DOK6: variants seen among roughly 807,000 people sequenced by gnomAD.
DOK6 encodes docking protein 6.
DOK6 carries 22 observed loss-of-function variants against 44.0 expected under a neutral mutation model. That is an observed-to-expected ratio of 0.50 (90% confidence interval 0.36 to 0.71). The LOEUF is 0.71. DOK6 is among the 30% of genes least tolerant of loss of function. The pLI, the probability that DOK6 is intolerant of heterozygous loss-of-function variation, is 0.00. For synonymous variants in DOK6, 166 were observed against 145.5 expected, an observed-to-expected ratio of 1.14 and a Z score of -1.01; for missense variants, 340 against 416.4, an observed-to-expected ratio of 0.82 and a Z score of 1.60.
chr18:69,661,443 G>A (rs771667006), intron 3 of DOK6: 6 of 152,108 alleles, frequency 3.9e-5, no homozygotes, highest in African/African-American at 1.2e-4. Flanking sequence ...TCAGTTTATA[G>A]CATATGCATA....
intron 2 of DOK6, among the ~76,000 whole-genome samples, chr18:69,598,640 GA>G (rs1157375375): frequency 2.0e-5 from 3 of 152,110 alleles, no homozygotes; most frequent in Non-Finnish European, 4.4e-5. Flanking sequence ...TGTGTTTGCA[GA>G]GTTGTTGAGG....
intron 3 of DOK6, among the ~76,000 whole-genome samples, chr18:69,651,351 G>A (rs922112196): frequency 1.3e-5 from 2 of 151,966 alleles, no homozygotes; most frequent in African/African-American, 4.8e-5. Flanking sequence ...TCCAATTTAT[G>A]CACTTTTTTC....
At chr18:69,818,429 G>C (rs907290598) in intron 7 of DOK6, among the ~76,000 whole-genome samples, 2 of 152,116 alleles carry the variant, frequency 1.3e-5, no homozygotes, top group Non-Finnish European at 2.9e-5. Flanking sequence ...GTGATTGTGG[G>C]GTAACACTAG....
At chr18:69,709,616 ATAT>A (rs1386905225) in intron 5 of DOK6, among the ~76,000 whole-genome samples, 1 of 152,146 alleles carries the variant, frequency 6.6e-6, no homozygotes. Context: ...TACACATATC[ATAT>A]TATATGTACT....
At chr18:69,768,093 A>G (rs1208499854) in intron 7 of DOK6, among the ~76,000 whole-genome samples, 1 of 152,200 alleles carries the variant, frequency 6.6e-6, no homozygotes, top group Non-Finnish European at 1.5e-5. Context: ...AAGAAGTAAC[A>G]TACTGAGTTC....
chr18:69,641,896 C>A (rs1984951285), intron 3 of DOK6, among the ~76,000 whole-genome samples: 1 of 152,158 alleles, frequency 6.6e-6, no homozygotes, highest in Non-Finnish European at 1.5e-5. Flanking sequence ...GTTCTTTCCC[C>A]CTCTCTCTCC....
chr18:69,437,348 G>T (rs760579116), intron 1 of DOK6, among the ~76,000 whole-genome samples: 27 of 152,284 alleles, frequency 1.8e-4, no homozygotes, highest in Admixed American at 2.6e-4. Context: ...ATGTAAGAAA[G>T]GGGTCCAGTT....
At chr18:69,594,839 GAAAAGAA>G (rs982134137) in intron 2 of DOK6, among the ~76,000 whole-genome samples, 17 of 151,240 alleles carry the variant, frequency 1.1e-4, no homozygotes, top group South Asian at 4.2e-4. Flanking sequence ...GAAAAAAAAA[GAAAAGAA>G]AAAAGAAAAA....
At chr18:69,401,721 C>T (rs1191635476) in intron 1 of DOK6, among the ~76,000 whole-genome samples, 1 of 152,182 alleles carries the variant, frequency 6.6e-6, no homozygotes, top group Non-Finnish European at 1.5e-5. Flanking sequence ...TTAGAATCAC[C>T]ATTTTCTGGT....
At position 69,846,900 on chromosome 18, in the gene DOK6, A is replaced by T. The variant is rs1442894541; in HGVS notation, c.*5517A>T. ...TTTACATTATAATACCTTATATATT[A>T]GGTTTTTCCTGATAATCTTCAGTAG... is the stretch of plus-strand genomic sequence containing the variant. On this transcript the variant is annotated 3_prime_UTR_variant, in exon 8 of 8. Transcript: ENST00000382713. The T allele has an allele frequency of 6.6e-6, 1 of 152,192 alleles. No homozygotes were observed. The highest frequency in any genetic ancestry group is 1.5e-5 in the Non-Finnish European group (1 of 68,042). 9.4% of individuals were successfully genotyped at this position (152,192 alleles called of 1,614,324 possible).
chr18:69,645,251 T>A (rs886207330), intron 3 of DOK6, among the ~76,000 whole-genome samples: 6 of 152,204 alleles, frequency 3.9e-5, no homozygotes, highest in African/African-American at 1.4e-4. Flanking sequence ...TGCTACCCTG[T>A]GAGAGGTGCA....
intron 2 of DOK6, among the ~76,000 whole-genome samples, chr18:69,592,433 A>G (rs912017318): frequency 2.0e-5 from 3 of 152,038 alleles, no homozygotes; most frequent in Non-Finnish European, 2.9e-5. Context: ...CAAAAACAAG[A>G]TCATGTGTTT....
intron 3 of DOK6, among the ~76,000 whole-genome samples, chr18:69,646,490 A>G (rs1985077342): frequency 6.6e-6 from 1 of 152,150 alleles, no homozygotes; most frequent in Non-Finnish European, 1.5e-5. Flanking sequence ...ATTGATTTTT[A>G]TTCATTTTTA....
intron 7 of DOK6, among the ~76,000 whole-genome samples, chr18:69,807,578 C>A (rs1981090734): frequency 1.3e-5 from 2 of 151,760 alleles, no homozygotes; most frequent in East Asian, 1.9e-4. Context: ...CACATATAGA[C>A]TGAAAGTAAA....
intron 7 of DOK6, among the ~76,000 whole-genome samples, chr18:69,806,036 G>T (rs1225265147): frequency 6.6e-6 from 1 of 151,526 alleles, no homozygotes; most frequent in African/African-American, 2.4e-5. Context: ...TTGCTTTCTT[G>T]TTTTTTCTTC....
intron 5 of DOK6, among the ~76,000 whole-genome samples, chr18:69,725,916 C>T (rs1443432510): frequency 6.6e-6 from 1 of 152,120 alleles, no homozygotes; most frequent in African/African-American, 2.4e-5. Context: ...GGCTGTGCAC[C>T]CTCGCTAAGG....
intron 3 of DOK6, among the ~76,000 whole-genome samples, chr18:69,646,288 T>C (rs1231620465): frequency 6.6e-6 from 1 of 152,158 alleles, no homozygotes; most frequent in Non-Finnish European, 1.5e-5. Flanking sequence ...TGTATATTTT[T>C]TCCATATCTT....
chr18:69,657,594 A>C (rs1002983766), intron 3 of DOK6, among the ~76,000 whole-genome samples: 1 of 152,256 alleles, frequency 6.6e-6, no homozygotes, highest in Non-Finnish European at 1.5e-5. Flanking sequence ...AAGAAAGTTG[A>C]TGTAATGAGA....
chr18:69,701,343 T>C (rs190207051), intron 5 of DOK6, among the ~76,000 whole-genome samples: 47 of 152,354 alleles, frequency 3.1e-4, no homozygotes, highest in African/African-American at 1.1e-3. Context: ...ACCATAAGGA[T>C]CATAACTTTG....
Sources: allele counts gnomAD v4.1 joint callset (sites outside exome capture counted in the v4.1 genomes callset), GRCh38; gene constraint gnomAD v4.1.1; transcripts MANE v1.5; gene names NCBI Gene and HGNC (gene_info 2026-07-23, HGNC 2026-07-21).